Variants in PPL observed in about 807,000 individuals in gnomAD.
The protein encoded by PPL is periplakin.
A neutral mutation model predicts 194.4 loss-of-function variants in PPL; 198 were observed. That is an observed-to-expected ratio of 1.02 (90% CI 0.91 to 1.15). The LOEUF is 1.15. PPL is among the 50% of genes most tolerant of loss of function. PPL has a pLI of 0.00. For synonymous variants in PPL, 1,220 were observed against 972.4 expected (o/e 1.25, Z -4.74); for missense variants, 2,885 against 2,294.8 (o/e 1.26, Z -5.25).
At chr16:4,915,810 A>G (rs1832369915) in intron 1 of PPL, among the ~76,000 whole-genome samples, 1 of 152,210 alleles carries the variant, frequency 6.6e-6, no homozygotes, top group Non-Finnish European at 1.5e-5. Context: ...TTGTATTATT[A>G]TCCCCGTTTA....
intron 7 of PPL, 39 bp downstream of exon 7, chr16:4,899,184 G>A: frequency 6.2e-7 from 1 of 1,613,468 alleles, no homozygotes; most frequent in Non-Finnish European, 8.5e-7. Context: ...TCCTTCCAGG[G>A]CTGCCTCCTC....
chr16:4,920,992 C>T lies in PPL; in HGVS notation c.63-10043G>A, dbSNP rs185416960. ...CCCAGAACTTGGTTGGCAGCAGAAACAGCCCCCTCAGCCTTGTTGACGCTG... is the reference window on the plus strand; with the variant it reads ...CCCAGAACTTGGTTGGCAGCAGAAATAGCCCCCTCAGCCTTGTTGACGCTG... On this transcript the variant is annotated intron_variant, in intron 1 of 21. Transcript: ENST00000345988. 3.7e-3 allele frequency among the ~76,000 whole-genome samples: 569 copies of T among 152,318 alleles called. 4 individuals are homozygous for T. Among genetic ancestry groups the T allele is most frequent in the Non-Finnish European group, 6.6e-3 (447 of 68,026 alleles).
At chr16:4,889,151 G>A in intron 18 of PPL, 90 bp from the exon 19 acceptor site, 1 of 974,348 alleles carries the variant, frequency 1.0e-6, no homozygotes, top group Non-Finnish European at 1.6e-6. Context: ...CTCAGAATCT[G>A]AATTTATTCT....
chr16:4,907,966 C>T (rs1414064062), intron 2 of PPL, among the ~76,000 whole-genome samples: 1 of 151,568 alleles, frequency 6.6e-6, no homozygotes, highest in Non-Finnish European at 1.5e-5. Context: ...CCAGCCTGGC[C>T]AATGTGATGA....
At chr16:4,897,811 C>G (rs781693101) in intron 8 of PPL, 41 bp from the exon 9 acceptor site, 2 of 1,523,882 alleles carry the variant, frequency 1.3e-6, no homozygotes, top group South Asian at 1.1e-5. Context: ...TGGGCAGGTA[C>G]TGCAGACACC....
In PPL at chr16:4,895,360, C is replaced by T. The variant is rs2088405426; in HGVS notation, c.1143G>A (p.Leu381=). 1 of 1,613,416 alleles carries T rather than the reference C, an allele frequency of 6.2e-7. No individual in the cohort carries two copies. The highest frequency in any genetic ancestry group is 1.3e-5 in the African/African-American group (1 of 75,054). ...GCACCACCTGCTGGCCTCGCTTCTGCAGCCCCTGCACCACGTCCTCATACT... is the reference window on the plus strand; with the variant it reads ...GCACCACCTGCTGGCCTCGCTTCTGTAGCCCCTGCACCACGTCCTCATACT... ...LDKYEDVVQG[L]QKRGQQVVPL... The change falls in exon 11 of 22, where the codon CTG becomes CTA. Residue 381 remains leucine, a synonymous_variant. Transcript: ENST00000345988.
At chr16:4,917,728 C>G (rs999774999) in intron 1 of PPL, among the ~76,000 whole-genome samples, 1 of 151,214 alleles carries the variant, frequency 6.6e-6, no homozygotes, top group Non-Finnish European at 1.5e-5. Context: ...TGGTGAAACC[C>G]CATGTCTACT....
intron 9 of PPL, 102 bp from the exon 10 acceptor site, chr16:4,895,818 G>A (rs990779056): frequency 2.0e-6 from 3 of 1,509,498 alleles, no homozygotes; most frequent in African/African-American, 1.4e-5. Context: ...CTGGGCCTCC[G>A]GTTCACCTGG....
At chr16:4,893,731 C>T in intron 12 of PPL, 93 bp from the exon 13 acceptor site, 1 of 1,045,390 alleles carries the variant, frequency 9.6e-7, no homozygotes, top group Non-Finnish European at 1.4e-6. Flanking sequence ...GGCAGACACC[C>T]CAGAGGAGCC....
intron 11 of PPL, among the ~76,000 whole-genome samples, 165 bp downstream of exon 11, chr16:4,895,096 G>A (rs551492294): frequency 1.8e-4 from 28 of 152,164 alleles, no homozygotes; most frequent in Non-Finnish European, 3.5e-4. Context: ...AGGTGGGGGC[G>A]GCATAGGGGT....
Position 4,883,965 on chromosome 16 carries a change from C to T in PPL, c.4690G>A (p.Glu1564Lys), listed in dbSNP as rs202099828. ...SSKELDFLRE[E>K]NHKLQLERQN... ...CTCTCCAGCTGTAATTTGTGGTTCT[C>T]TTCCCTCAGAAAGTCTAGTTCCTTG... Residue 1564 changes from glutamate to lysine, a missense_variant, in exon 22 of 22, where the codon GAG becomes AAG. Transcript: ENST00000345988. The surrounding 1 kb of genome is among the most constrained non-coding windows in gnomAD (Gnocchi z 4.8). The T allele has an allele frequency of 1.0e-4, 168 of 1,613,986 alleles. No homozygotes were observed. The highest frequency in any genetic ancestry group is 1.4e-4 in the Non-Finnish European group (165 of 1,180,042).
In PPL at chr16:4,883,765, G is replaced by T. The variant is rs568883602; in HGVS notation, c.4890C>A (p.Asp1630Glu). ...DDLKRLSKDK[D>E]LEIDELQKRL... ...GCTTCTGCAGCTCGTCGATCTCGAG[G>T]TCTTTGTCCTTGGAGAGCCTCTTGA... The change falls in exon 22 of 22, where the codon GAC becomes GAA. Residue 1630 changes from aspartate to glutamate, a missense_variant. Asp to Glu is a conservative substitution (Grantham distance 45). Coordinates refer to ENST00000345988, the MANE Select transcript of PPL (RefSeq NM_002705.5). This position sits in a 1 kb window ranked among gnomAD's most constrained non-coding sequence, Gnocchi z 4.8. 6.2e-7 allele frequency: 1 copy of T among 1,614,102 alleles called. No individual in the cohort carries two copies. Among genetic ancestry groups the T allele is most frequent in the East Asian group, 2.2e-5 (1 of 44,882 alleles).
rs1352316779 is a variant in PPL at position 4,908,506 on chromosome 16, T to A, written c.162+2344A>T. The stretch of plus-strand genomic sequence containing the variant: ...AATATGTTAATAGTCAGTAGATACC[T>A]CTGGTGGTGGAATTCTACATGACTG... On this transcript the variant is annotated intron_variant, in intron 2 of 21. Transcript: ENST00000345988. Among the ~76,000 whole-genome samples, 5 of 152,100 alleles carry A rather than the reference T, an allele frequency of 3.3e-5. No individual in the cohort carries two copies. In the East Asian group the frequency reaches 9.7e-4, roughly 29 times the overall value.
intron 4 of PPL, 104 bp from the exon 5 acceptor site, chr16:4,901,193 T>A (rs571068815): frequency 1.5e-6 from 2 of 1,306,844 alleles, no homozygotes; most frequent in African/African-American, 1.5e-5. Context: ...TGCTCTCTTT[T>A]TCACGGGGCC....
intron 8 of PPL, 42 bp from the exon 9 acceptor site, chr16:4,897,812 T>C (rs1244342564): frequency 9.8e-6 from 15 of 1,523,526 alleles, no homozygotes; most frequent in Non-Finnish European, 1.2e-5. Context: ...GGGCAGGTAC[T>C]GCAGACACCA....
In PPL at chr16:4,893,350, G is replaced by T; in HGVS notation, c.1513C>A (p.Arg505=). The part of the protein sequence containing the change: ...NPGDASDLQG[R]QLLAGLDKVA... Reference sequence around the variant, plus strand: ...TTGTCCAAGCCAGCCAGCAGCTGCCGCCCCTGTAGGTCAGAGGCATCTGTG... The same window carrying T: ...TTGTCCAAGCCAGCCAGCAGCTGCCTCCCCTGTAGGTCAGAGGCATCTGTG... Residue 505 remains arginine, a synonymous_variant, in exon 14 of 22, where the codon CGG becomes AGG. Coordinates refer to ENST00000345988, the MANE Select transcript of PPL (RefSeq NM_002705.5). 1 of 1,607,540 alleles carries T rather than the reference G, an allele frequency of 6.2e-7. No homozygotes were observed.
intron 3 of PPL, among the ~76,000 whole-genome samples, chr16:4,903,270 G>C (rs2088613809): frequency 6.6e-6 from 1 of 152,096 alleles, no homozygotes; most frequent in South Asian, 2.1e-4. Flanking sequence ...GGAGTCGTGA[G>C]CCAAGGAAGC....
intron 9 of PPL, among the ~76,000 whole-genome samples, chr16:4,896,245 G>A (rs1011640827): frequency 5.9e-5 from 9 of 152,056 alleles, no homozygotes; most frequent in African/African-American, 1.4e-4. Context: ...GTGACACGGC[G>A]TCGCCCACAT....
Position 4,895,253 on chromosome 16 carries a change from C to T in PPL, c.1242+8G>A. 6.3e-7 allele frequency: 1 copy of T among 1,597,320 alleles called. No homozygotes were observed. The highest frequency in any genetic ancestry group is 8.5e-7 in the Non-Finnish European group (1 of 1,171,182). ...AGTGATGTGAACAGAGGAGCTGGCC[C>T]CACGCACCTGCTCCCCCTCAAAGTC... is the stretch of plus-strand genomic sequence containing the variant. On this transcript the variant is annotated splice_region_variant and intron_variant, in intron 11 of 21. Transcript: ENST00000345988.
Sources: gnomAD v4.1 joint callset for allele counts (sites outside exome capture counted in the v4.1 genomes callset) on GRCh38, gnomAD v4.1.1 for gene constraint, Gnocchi (gnomAD v3.1) non-coding constraint, MANE v1.5 for transcripts, NCBI Gene and HGNC (gene_info 2026-07-23, HGNC 2026-07-21) for gene names.